SLC39A11: variants seen among roughly 807,000 people sequenced by gnomAD.
The protein encoded by SLC39A11 is solute carrier family 39 member 11, also known as zinc transporter ZIP11.
A neutral mutation model predicts 36.1 loss-of-function variants in SLC39A11; 33 were observed. The observed-to-expected ratio is 0.91, with a 90% CI of 0.69 to 1.22. The LOEUF is 1.22. Ranked by LOEUF, SLC39A11 falls within the 50% of genes most tolerant of loss-of-function variation. The pLI is 0.00. For missense variants in SLC39A11, 432 were observed against 430.3 expected (o/e 1.00, Z -0.03); for synonymous variants, 166 against 170.3 (o/e 0.97, Z 0.20).
rs536012007 is a variant in SLC39A11, at chr17:72,869,061, A to G, written c.431-19257T>C. On this transcript the variant is annotated intron_variant, in intron 5 of 9. Transcript: ENST00000255559. ...GACCTAATCCCATGAGATCTTTAAA[A>G]GAGAGAGCTTTCTCCAGCTGATCTC... 8.8e-4 allele frequency among the ~76,000 whole-genome samples: 134 copies of G among 152,344 alleles called. 3 individuals are homozygous for G. In the South Asian group the frequency reaches 0.024, roughly 28 times the overall value.
Position 72,947,794 on chromosome 17 carries a change from G to T in SLC39A11, c.388C>A (p.Pro130Thr), listed in dbSNP as rs1454910916. 1.2e-6 allele frequency: 2 copies of T among 1,614,138 alleles called. No homozygotes were observed. Among genetic ancestry groups the T allele is most frequent in the Non-Finnish European group, 1.7e-6 (2 of 1,180,036 alleles). Reference protein sequence around the residue: ...LMKKKSDPEGPALLFPESELS... With the variant: ...LMKKKSDPEGTALLFPESELS... ...TCACTCTCAGGGAAGAGCAGCGCGGGACCCTCAGGATCAGACTTCTTCTTC... is the reference window on the plus strand; with the variant it reads ...TCACTCTCAGGGAAGAGCAGCGCGGTACCCTCAGGATCAGACTTCTTCTTC... The change falls in exon 5 of 10, where the codon CCC (proline) becomes ACC (threonine). Residue 130 changes from proline (P) to threonine (T), a missense_variant. Pro to Thr is a conservative substitution (Grantham distance 38). Transcript: ENST00000255559.
intron 6 of SLC39A11, among the ~76,000 whole-genome samples, chr17:72,756,892 G>A (rs2075377545): frequency 6.6e-6 from 1 of 151,494 alleles, no homozygotes; most frequent in South Asian, 2.1e-4. Context: ...GCTCATGCCT[G>A]TAATCTCAGC....
intron 5 of SLC39A11, among the ~76,000 whole-genome samples, chr17:72,903,479 C>T (rs12051632): frequency 0.47 from 70,645 of 151,716 alleles, 16,841 homozygotes; most frequent in East Asian, 0.72. Context: ...AAGTTGCTCA[C>T]GCTCTGTAGT....
intron 5 of SLC39A11, among the ~76,000 whole-genome samples, chr17:72,874,960 G>T (rs2146441707): frequency 6.6e-6 from 1 of 152,292 alleles, no homozygotes; most frequent in East Asian, 1.9e-4. Flanking sequence ...GAATATTACA[G>T]TGGCTGCAGG....
chr17:72,812,073 C>T (rs1325526088), intron 6 of SLC39A11, among the ~76,000 whole-genome samples: 3 of 152,168 alleles, frequency 2.0e-5, no homozygotes, highest in Admixed American at 1.3e-4. Context: ...ACTAAATAAA[C>T]TGTCTTTTTG....
Position 72,947,858 on chromosome 17 carries a change from G to A in SLC39A11, c.324C>T (p.Pro108=), listed in dbSNP as rs1405757207. Residue 108 remains proline, a synonymous_variant, in exon 5 of 10, where the codon CCC becomes CCT. Coordinates refer to ENST00000255559, the MANE Select transcript of SLC39A11 (RefSeq NM_139177.4). ...CGAAGTTCAGTGCCAGGGTCGTCTG[G>A]GGGTCTTCTGCTGCACCCTGAAACA... ...LMPHLGAAED[P]QTTLALNFGS... is the part of the protein sequence containing the mutation. The A allele has an allele frequency of 2.5e-6, 4 of 1,613,838 alleles. No homozygotes were observed. The East Asian group carries it at 6.7e-5, about 27-fold the overall frequency.
intron 6 of SLC39A11, among the ~76,000 whole-genome samples, chr17:72,794,859 TCA>T (rs1421233179): frequency 6.6e-6 from 1 of 152,018 alleles, no homozygotes; most frequent in Non-Finnish European, 1.5e-5. Flanking sequence ...ATTGACTATC[TCA>T]CACTGTTTCT....
intron 4 of SLC39A11, among the ~76,000 whole-genome samples, chr17:72,990,844 C>T (rs1318734735): frequency 1.3e-5 from 2 of 152,194 alleles, no homozygotes; most frequent in African/African-American, 4.8e-5. Context: ...AAGTTAATGA[C>T]TGTCAAGACC....
chr17:72,656,637 C>A (rs1053767434), intron 7 of SLC39A11, among the ~76,000 whole-genome samples: 1 of 151,956 alleles, frequency 6.6e-6, no homozygotes, highest in Non-Finnish European at 1.5e-5. Flanking sequence ...AGGCCTCTCC[C>A]GGGGAGGTCT....
chr17:73,076,624 C>A (rs1452463266), intron 3 of SLC39A11, among the ~76,000 whole-genome samples: 1 of 152,110 alleles, frequency 6.6e-6, no homozygotes, highest in Non-Finnish European at 1.5e-5. Context: ...ATATTCAAAG[C>A]ATCTCAGAAC....
chr17:72,861,665 A>ATATATCC (rs2080008756), intron 5 of SLC39A11, among the ~76,000 whole-genome samples: 1 of 106,902 alleles, frequency 9.4e-6, no homozygotes. Context: ...CATTATATAT[A>ATATATCC]TATATATATA....
At chr17:72,979,844 G>C (rs757116263) in intron 4 of SLC39A11, among the ~76,000 whole-genome samples, 1 of 152,160 alleles carries the variant, frequency 6.6e-6, no homozygotes, top group African/African-American at 2.4e-5. Context: ...AGGCAAAGCA[G>C]CATGCCCTCC....
intron 3 of SLC39A11, among the ~76,000 whole-genome samples, chr17:73,065,400 A>G (rs1015890801): frequency 1.3e-5 from 2 of 152,170 alleles, no homozygotes; most frequent in Non-Finnish European, 2.9e-5. Context: ...GCGAGACTCC[A>G]GCTCAAAAAA....
chr17:72,866,964 G>T (rs988107126), intron 5 of SLC39A11, among the ~76,000 whole-genome samples: 4 of 152,184 alleles, frequency 2.6e-5, no homozygotes, highest in Non-Finnish European at 5.9e-5. Context: ...AAGCAATGGT[G>T]AGCAAAGATA....
At chr17:72,918,363 C>T (rs765502629) in intron 5 of SLC39A11, among the ~76,000 whole-genome samples, 4 of 151,962 alleles carry the variant, frequency 2.6e-5, no homozygotes, top group Non-Finnish European at 5.9e-5. Context: ...GAGCCAAGAT[C>T]GCACCATTGC....
At chr17:72,943,006 T>A (rs1446440626) in intron 5 of SLC39A11, among the ~76,000 whole-genome samples, 1 of 152,140 alleles carries the variant, frequency 6.6e-6, no homozygotes, top group Non-Finnish European at 1.5e-5. Context: ...TCATCAAATC[T>A]TTTTCCAAAG....
At chr17:72,697,808 C>T (rs1027806747) in intron 7 of SLC39A11, among the ~76,000 whole-genome samples, 7 of 149,300 alleles carry the variant, frequency 4.7e-5, no homozygotes, top group Non-Finnish European at 5.9e-5. Context: ...TTGACTGATA[C>T]ACTCGCCACG....
At chr17:72,841,279 T>C (rs1328187622) in intron 6 of SLC39A11, among the ~76,000 whole-genome samples, 3 of 152,156 alleles carry the variant, frequency 2.0e-5, no homozygotes, top group Non-Finnish European at 4.4e-5. Context: ...CAAATAAACA[T>C]GTTTAAATAC....
intron 4 of SLC39A11, 76 bp from the exon 5 acceptor site, chr17:72,947,951 C>T: frequency 6.3e-7 from 1 of 1,575,596 alleles, no homozygotes; most frequent in Admixed American, 1.7e-5. Context: ...CTCACGGGCG[C>T]CAAGGCAACT....
Sources: allele counts gnomAD v4.1 joint callset (sites outside exome capture counted in the v4.1 genomes callset), GRCh38; gene constraint gnomAD v4.1.1; transcripts MANE v1.5; gene names NCBI Gene and HGNC (gene_info 2026-07-23, HGNC 2026-07-21).